NEMP2: variants seen among roughly 807,000 people sequenced by gnomAD.
NEMP2 encodes the protein nuclear envelope integral membrane protein 2.
In NEMP2, 53 loss-of-function variants were observed where a neutral mutation model predicts 54.2. That is an observed-to-expected ratio of 0.98 (90% confidence interval 0.78 to 1.23). NEMP2 has a LOEUF of 1.23. NEMP2 is among the 50% of genes most tolerant of loss of function. The pLI is 0.00. For synonymous variants in NEMP2, 197 were observed against 190.3 expected (o/e 1.04, Z -0.29); for missense variants, 455 against 511.3 (o/e 0.89, Z 1.06).
the NEMP2 span, among the ~76,000 whole-genome samples, chr2:190,475,887 G>C: frequency 6.6e-6 from 1 of 152,182 alleles, no homozygotes; most frequent in East Asian, 1.9e-4. Context: ...GAACAGAACA[G>C]AGCCCTCAGA....
chr2:190,487,407 T>C, the NEMP2 span, among the ~76,000 whole-genome samples: 4 of 152,172 alleles, frequency 2.6e-5, no homozygotes, highest in African/African-American at 7.2e-5. This position sits in a 1 kb window ranked among gnomAD's most constrained non-coding sequence, Gnocchi z 5.5. Flanking sequence ...TGTGGAATTA[T>C]AGCCAATGTA....
the NEMP2 span, chr2:190,497,779 TCA>T: frequency 2.0e-6 from 3 of 1,512,756 alleles, no homozygotes; most frequent in Non-Finnish European, 1.8e-6. This position sits in a 1 kb window ranked among gnomAD's most constrained non-coding sequence, Gnocchi z 5.2. Flanking sequence ...TTAACTGGGC[TCA>T]GTTTTAATTA....
At chr2:190,464,895 T>C in the NEMP2 span, 1 of 977,488 alleles carries the variant, frequency 1.0e-6, no homozygotes, top group Non-Finnish European at 1.2e-6. Flanking sequence ...CTGTGGTTTT[T>C]AGTGGCTTTT....
the NEMP2 span, among the ~76,000 whole-genome samples, chr2:190,433,779 A>G: frequency 2.8e-4 from 42 of 152,356 alleles, no homozygotes; most frequent in African/African-American, 9.9e-4. This position sits in a 1 kb window ranked among gnomAD's most constrained non-coding sequence, Gnocchi z 4.5. Flanking sequence ...AGAGATTAAA[A>G]AATGCTTACA....
the NEMP2 span, among the ~76,000 whole-genome samples, chr2:190,483,574 C>T: frequency 6.6e-6 from 1 of 152,120 alleles, no homozygotes; most frequent in Non-Finnish European, 1.5e-5. Context: ...CAGTGGCTCA[C>T]GCCCGTAATC....
the NEMP2 span, among the ~76,000 whole-genome samples, chr2:190,614,231 G>A: frequency 2.0e-5 from 3 of 151,946 alleles, no homozygotes; most frequent in African/African-American, 4.8e-5. This position sits in a 1 kb window ranked among gnomAD's most constrained non-coding sequence, Gnocchi z 5.7. Flanking sequence ...ATTATTATGG[G>A]GCTAGACCAT....
At chr2:190,495,485 T>A in the NEMP2 span, among the ~76,000 whole-genome samples, 1 of 152,044 alleles carries the variant, frequency 6.6e-6, no homozygotes, top group African/African-American at 2.4e-5. The surrounding 1 kb of genome is among the most constrained non-coding windows in gnomAD (Gnocchi z 4.7). Context: ...TTCACAGAAC[T>A]AGAAAAAACA....
At position 190,516,339 on chromosome 2, in the gene NEMP2, C is replaced by T. The variant is rs534564363; in HGVS notation, c.658G>A (p.Val220Ile). ...ALMVGCWFAS[V>I]YIVCQLMEDL... Reference sequence around the variant, plus strand: ...TCCATCAACTGGCATACAATATAAACTGAGGCAAACCAACAACCAACCATT... The same window carrying T: ...TCCATCAACTGGCATACAATATAAATTGAGGCAAACCAACAACCAACCATT... Residue 220 changes from valine (V) to isoleucine (I), a missense_variant, in exon 6 of 9, where the codon GTT becomes ATT. Coordinates refer to ENST00000409150, the MANE Select transcript of NEMP2 (RefSeq NM_001142645.2). 1.9e-6 allele frequency: 3 copies of T among 1,551,654 alleles called. No individual in the cohort carries two copies. In the East Asian group the frequency reaches 7.3e-5, roughly 38 times the overall value.
At chr2:190,499,612 G>A (rs1290621593), downstream of NEMP2, among the ~76,000 whole-genome samples, 2 of 152,238 alleles carry the variant, frequency 1.3e-5, no homozygotes, top group Non-Finnish European at 2.9e-5. The surrounding 1 kb of genome is among the most constrained non-coding windows in gnomAD (Gnocchi z 6.0). Context: ...TAGACAAAGT[G>A]TCTTCTGGCT....
the NEMP2 span, among the ~76,000 whole-genome samples, chr2:190,473,640 A>G: frequency 6.6e-6 from 1 of 152,190 alleles, no homozygotes; most frequent in Non-Finnish European, 1.5e-5. Flanking sequence ...TTAACACCCC[A>G]CTGTCAACAT....
At chr2:190,440,952 A>G in the NEMP2 span, among the ~76,000 whole-genome samples, 11 of 152,220 alleles carry the variant, frequency 7.2e-5, no homozygotes. Context: ...GGGCTTCAGC[A>G]CAGCCAAGGA....
chr2:190,483,835 C>CAA, the NEMP2 span, among the ~76,000 whole-genome samples: 194 of 86,486 alleles, frequency 2.2e-3, 1 homozygote, highest in East Asian at 0.011. Flanking sequence ...AACTCATTTT[C>CAA]AAAAAAAAAA....
At chr2:190,433,812 C>G in the NEMP2 span, among the ~76,000 whole-genome samples, 3 of 152,254 alleles carry the variant, frequency 2.0e-5, no homozygotes, top group East Asian at 5.8e-4. The surrounding 1 kb of genome is among the most constrained non-coding windows in gnomAD (Gnocchi z 4.5). Context: ...GAAGGTTTTT[C>G]AGAATGTTAT....
chr2:190,493,336 A>G, the NEMP2 span, among the ~76,000 whole-genome samples: 1 of 152,188 alleles, frequency 6.6e-6, no homozygotes, highest in Non-Finnish European at 1.5e-5. Flanking sequence ...AAATTTCACA[A>G]TCTTCAATAT....
At chr2:190,448,549 A>T in the NEMP2 span, among the ~76,000 whole-genome samples, 1 of 152,232 alleles carries the variant, frequency 6.6e-6, no homozygotes, top group African/African-American at 2.4e-5. Context: ...TGACTGGGGA[A>T]AAAAGCAGGT....
In NEMP2 at chr2:190,525,371, C is replaced by G. The variant is rs1489471321; in HGVS notation, c.105G>C (p.Arg35Ser). 1 of 1,514,458 alleles carries G rather than the reference C, an allele frequency of 6.6e-7. No individual in the cohort carries two copies. The highest frequency in any genetic ancestry group is 2.5e-5 in the East Asian group (1 of 40,620). The allele number at this position is 1,514,458 out of a possible 1,614,324, so 93.8% of individuals were successfully genotyped here. ...EAAAAALSVRRCKALKEKDLI... is the reference protein window; with the variant it reads ...EAAAAALSVRSCKALKEKDLI... ...AATCTTTTTCCTTCAAAGCTTTACA[C>G]CTACGAACTGAGAGATGGAAAAGGG... The change falls in exon 2 of 9, where the codon AGG becomes AGC. Residue 35 changes from arginine to serine, a missense_variant. By Grantham distance (110) the Arg-to-Ser change is moderately radical. Transcript: ENST00000409150. This position sits in a 1 kb window ranked among gnomAD's most constrained non-coding sequence, Gnocchi z 5.0.
At chr2:190,422,623 G>C in the NEMP2 span, among the ~76,000 whole-genome samples, 1 of 152,140 alleles carries the variant, frequency 6.6e-6, no homozygotes, top group South Asian at 2.1e-4. Context: ...TACTCTGAAA[G>C]TTTGTAAGGT....
the NEMP2 span, among the ~76,000 whole-genome samples, chr2:190,575,088 C>T: frequency 6.6e-6 from 1 of 151,992 alleles, no homozygotes; most frequent in East Asian, 1.9e-4. Flanking sequence ...AACTCCTGAC[C>T]TTATGATCTG....
rs1007789746 is a variant in NEMP2, at chr2:190,528,587, C to T, written c.98-3209G>A. Among the ~76,000 whole-genome samples, 3 of 152,196 alleles carry T rather than the reference C, an allele frequency of 2.0e-5. No individual in the cohort carries two copies. Among genetic ancestry groups the T allele is most frequent in the African/African-American group, 7.2e-5 (3 of 41,438 alleles). On this transcript the variant is annotated intron_variant, in intron 1 of 8. Coordinates refer to ENST00000409150, the MANE Select transcript of NEMP2 (RefSeq NM_001142645.2). The surrounding 1 kb of genome is among the most constrained non-coding windows in gnomAD (Gnocchi z 4.3). ...TCCAGACAGGTCTTTCTTCACCACC[C>T]ATGTGCTCAATGCTAGATGGGCTTT...
Sources: allele counts gnomAD v4.1 joint callset (sites outside exome capture counted in the v4.1 genomes callset), GRCh38; gene constraint gnomAD v4.1.1; non-coding constraint Gnocchi (gnomAD v3.1); transcripts MANE v1.5; gene names NCBI Gene and HGNC (gene_info 2026-07-23, HGNC 2026-07-21).